Variants in MYT1L observed in about 807,000 individuals in gnomAD.
MYT1L encodes the protein myelin transcription factor 1 like.
MYT1L carries 12 observed loss-of-function variants against 126.7 expected under a neutral mutation model. That is an observed-to-expected ratio of 0.09 (90% CI 0.06 to 0.15). The LOEUF (loss-of-function observed/expected upper bound fraction) is 0.15. Among genes scored for constraint, MYT1L ranks in the 10% least tolerant of loss-of-function variants. The pLI, the probability that MYT1L is intolerant of heterozygous loss-of-function variation, is 1.00. For missense variants in MYT1L, 979 were observed against 1,585.2 expected, an observed-to-expected ratio of 0.62 and a Z score of 6.49; for synonymous variants, 541 against 604.2, an observed-to-expected ratio of 0.90 and a Z score of 1.53.
intron 3 of MYT1L, among the ~76,000 whole-genome samples, chr2:2,141,430 C>T (rs1312562927): frequency 3.3e-5 from 5 of 152,180 alleles, no homozygotes; most frequent in Admixed American, 3.3e-4. Context: ...ACAGAGAACA[C>T]ATTCCCTTTT....
intron 2 of MYT1L, among the ~76,000 whole-genome samples, chr2:2,183,015 G>C (rs1023996238): frequency 2.0e-5 from 3 of 152,178 alleles, no homozygotes; most frequent in Non-Finnish European, 2.9e-5. Context: ...GAGGTTTTCC[G>C]AGGAGCAGCA....
At chr2:1,825,557 G>A (rs922278290) in intron 21 of MYT1L, 2 of 152,148 alleles carry the variant, frequency 1.3e-5, no homozygotes, top group Non-Finnish European at 1.5e-5. Context: ...CTAATTATGA[G>A]AACGTCAAAG....
intron 4 of MYT1L, among the ~76,000 whole-genome samples, chr2:2,016,481 C>G (rs2064408926): frequency 6.6e-6 from 1 of 152,228 alleles, no homozygotes; most frequent in African/African-American, 2.4e-5. Flanking sequence ...CGCCATGGCA[C>G]TGTTCACTTT....
intron 12 of MYT1L, 51 bp downstream of exon 12, chr2:1,911,969 T>G: frequency 7.1e-7 from 1 of 1,415,740 alleles, no homozygotes; most frequent in Non-Finnish European, 9.7e-7. Context: ...GGAGAAGGCA[T>G]GGAGAGCAGC....
At chr2:2,306,673 C>G (rs896873938) in intron 1 of MYT1L, among the ~76,000 whole-genome samples, 5 of 152,090 alleles carry the variant, frequency 3.3e-5, no homozygotes, top group Non-Finnish European at 7.4e-5. Flanking sequence ...CTGGAAAACC[C>G]AGGACAGAAG....
intron 21 of MYT1L, among the ~76,000 whole-genome samples, chr2:1,815,881 A>G (rs947383823): frequency 3.3e-5 from 5 of 152,334 alleles, no homozygotes; most frequent in Admixed American, 1.3e-4. Context: ...GAGTGGCTCC[A>G]GGCATCCAGG....
In MYT1L at chr2:1,807,317, C is replaced by G. The variant is rs75022064; in HGVS notation, c.3172+1759G>C. Among the ~76,000 whole-genome samples, 1,278 of 152,326 alleles carry G rather than the reference C, an allele frequency of 8.4e-3. 17 individuals carry two copies. Among genetic ancestry groups the G allele is most frequent in the African/African-American group, 0.028 (1,160 of 41,564 alleles). ...GGCGTCTCTCATGCTGTCCTCAGGA[C>G]CACCAATAACAGTCAGATGAGAGGA... is the stretch of plus-strand genomic sequence containing the variant. On this transcript the variant is annotated intron_variant, in intron 22 of 24. Transcript: ENST00000647738.
intron 3 of MYT1L, among the ~76,000 whole-genome samples, chr2:2,055,010 G>A (rs1215844736): frequency 6.6e-6 from 1 of 152,076 alleles, no homozygotes; most frequent in Non-Finnish European, 1.5e-5. Flanking sequence ...GAGGGATGGT[G>A]GTGACAACAA....
chr2:2,220,902 T>G lies in MYT1L; in HGVS notation c.-420-47914A>C, dbSNP rs548383016. Among the ~76,000 whole-genome samples, 6 of 152,156 alleles carry G rather than the reference T, an allele frequency of 3.9e-5. No individual in the cohort carries two copies. In the East Asian group the frequency reaches 9.7e-4, roughly 25 times the overall value. ...TCCAATACCCAGAATTGTACGTTAT[T>G]GATGGTGATGATTTGAACAATTATG... On this transcript the variant is annotated intron_variant, in intron 2 of 24. Coordinates refer to ENST00000647738, the MANE Select transcript of MYT1L (RefSeq NM_001303052.2).
At chr2:2,112,165 T>G (rs1283109707) in intron 3 of MYT1L, among the ~76,000 whole-genome samples, 1 of 152,150 alleles carries the variant, frequency 6.6e-6, no homozygotes, top group Non-Finnish European at 1.5e-5. Flanking sequence ...TGTTTCATGC[T>G]CCAGTCCTGC....
intron 2 of MYT1L, among the ~76,000 whole-genome samples, chr2:2,257,048 C>T (rs939387709): frequency 6.6e-6 from 1 of 152,148 alleles, no homozygotes; most frequent in Non-Finnish European, 1.5e-5. Flanking sequence ...GTGAACTATG[C>T]ATTCCTGTGC....
intron 2 of MYT1L, among the ~76,000 whole-genome samples, chr2:2,226,674 C>T (rs2094018764): frequency 6.6e-6 from 1 of 152,172 alleles, no homozygotes; most frequent in South Asian, 2.1e-4. Flanking sequence ...TCTATCAACT[C>T]ATCCAGGCTC....
At chr2:1,882,697 C>A (rs77641047) in intron 18 of MYT1L, among the ~76,000 whole-genome samples, 1 of 152,152 alleles carries the variant, frequency 6.6e-6, no homozygotes, top group Non-Finnish European at 1.5e-5. Context: ...GCAGTCAAAG[C>A]GGATGACCTT....
chr2:2,129,722 C>CG (rs1462833327), intron 3 of MYT1L, among the ~76,000 whole-genome samples: 20 of 152,040 alleles, frequency 1.3e-4, no homozygotes, highest in African/African-American at 4.8e-4. Context: ...CTGGCTAACA[C>CG]GGTGAAACCC....
rs2048631237 is a variant in MYT1L at position 1,889,872 on chromosome 2, G to A, written c.2284-395C>T. Among the ~76,000 whole-genome samples, 1 of 152,094 alleles carries A rather than the reference G, an allele frequency of 6.6e-6. No individual in the cohort carries two copies. Among genetic ancestry groups the A allele is most frequent in the Admixed American group, 6.5e-5 (1 of 15,276 alleles). On this transcript the variant is annotated intron_variant, in intron 15 of 24. Transcript: ENST00000647738. This position sits in a 1 kb window ranked among gnomAD's most constrained non-coding sequence, Gnocchi z 4.1. Reference sequence around the variant, plus strand: ...TTATTACCGTTGCAAATACCTAAGAGATAAAAATTTTGTGTGTATGCATGT... The same window carrying A: ...TTATTACCGTTGCAAATACCTAAGAAATAAAAATTTTGTGTGTATGCATGT...
At chr2:1,794,705 G>GGT (rs2033056414) in intron 23 of MYT1L, among the ~76,000 whole-genome samples, 1 of 152,216 alleles carries the variant, frequency 6.6e-6, no homozygotes, top group African/African-American at 2.4e-5. Flanking sequence ...AGGAATCTCT[G>GGT]TGAGACTCAG....
chr2:1,934,310 A>ATATAT (rs2055524428), intron 9 of MYT1L, among the ~76,000 whole-genome samples: 1 of 148,152 alleles, frequency 6.7e-6, no homozygotes, highest in African/African-American at 2.5e-5. Context: ...ATATATATAC[A>ATATAT]ACCTCATATA....
chr2:2,183,800 AAAGG>A (rs1248056187), intron 2 of MYT1L, among the ~76,000 whole-genome samples: 3 of 148,534 alleles, frequency 2.0e-5, no homozygotes, highest in African/African-American at 5.0e-5. Flanking sequence ...AGGGAAGAAA[AAAGG>A]AAGGAAGGAG....
intron 14 of MYT1L, among the ~76,000 whole-genome samples, chr2:1,894,831 C>T (rs35295773): frequency 0.044 from 6,646 of 152,150 alleles, 169 homozygotes; most frequent in Non-Finnish European, 0.053. Context: ...CGTCATGAGC[C>T]CCTCTCACAG....
Sources: allele counts gnomAD v4.1 joint callset (sites outside exome capture counted in the v4.1 genomes callset), GRCh38; gene constraint gnomAD v4.1.1; non-coding constraint Gnocchi (gnomAD v3.1); transcripts MANE v1.5; gene names NCBI Gene and HGNC (gene_info 2026-07-23, HGNC 2026-07-21).